Variants in CDH8 observed in about 807,000 individuals in gnomAD.
CDH8 encodes cadherin 8.
In CDH8, 17 loss-of-function variants were observed where a neutral mutation model predicts 68.1. The observed-to-expected ratio is 0.25, with a 90% CI of 0.17 to 0.37. CDH8 has a LOEUF of 0.37. CDH8 is among the 10% of genes least tolerant of loss of function. The probability of loss-of-function intolerance (pLI) is 1.00; values close to 1 mark genes in which losing one functional copy is unlikely to be tolerated. For synonymous variants in CDH8, 372 were observed against 365.1 expected, an observed-to-expected ratio of 1.02 and a Z score of -0.21; for missense variants, 763 against 999.3, an observed-to-expected ratio of 0.76 and a Z score of 3.19.
intron 5 of CDH8, among the ~76,000 whole-genome samples, chr16:61,821,993 G>C (rs963074973): frequency 6.6e-6 from 1 of 151,780 alleles, no homozygotes; most frequent in African/African-American, 2.4e-5. Context: ...CCCACTGAGT[G>C]TCAGGCCAAA....
intron 2 of CDH8, among the ~76,000 whole-genome samples, chr16:62,004,656 C>G (rs1965944509): frequency 6.6e-6 from 1 of 152,210 alleles, no homozygotes; most frequent in Admixed American, 6.5e-5. Context: ...AATTTGTATA[C>G]CTCCTGGTGT....
chr16:61,966,621 C>T (rs1965257686), intron 2 of CDH8, among the ~76,000 whole-genome samples: 1 of 152,054 alleles, frequency 6.6e-6, no homozygotes, highest in South Asian at 2.1e-4. Context: ...AAATATTCAA[C>T]TATATAATTA....
At position 62,034,033 on chromosome 16, in the gene CDH8, CG is replaced by C. The variant is rs748693499; in HGVS notation, c.-200+2046del. ...TAGAATTTATTCCAGCCACAGAGCT[CG>C]GGGAAGTGGAAAAACATGTCTGGAC... On this transcript the variant is annotated intron_variant, in intron 1 of 11. Coordinates refer to ENST00000577390, the MANE Select transcript of CDH8 (RefSeq NM_001796.5). Among the ~76,000 whole-genome samples, 33 of 152,114 alleles carry C rather than the reference CG, an allele frequency of 2.2e-4. No homozygotes were observed. In the East Asian group the frequency reaches 6.0e-3, roughly 28 times the overall value.
chr16:61,990,668 T>C (rs1965699130), intron 2 of CDH8, among the ~76,000 whole-genome samples: 1 of 152,036 alleles, frequency 6.6e-6, no homozygotes, highest in South Asian at 2.1e-4. Context: ...TTTTAAAAAT[T>C]AAATAATTTA....
chr16:61,660,857 T>C (rs1435177670), intron 10 of CDH8, among the ~76,000 whole-genome samples: 1 of 151,940 alleles, frequency 6.6e-6, no homozygotes, highest in Non-Finnish European at 1.5e-5. Context: ...AATAAAGATA[T>C]TCTCGGATGG....
intron 9 of CDH8, 129 bp downstream of exon 9, chr16:61,726,965 T>C: frequency 2.1e-6 from 2 of 955,864 alleles, no homozygotes; most frequent in Non-Finnish European, 3.2e-6. Flanking sequence ...CTGTTCCCAT[T>C]TGGATGTGTT....
At chr16:61,836,766 T>C (rs551850978) in intron 4 of CDH8, among the ~76,000 whole-genome samples, 1 of 152,106 alleles carries the variant, frequency 6.6e-6, no homozygotes, top group Non-Finnish European at 1.5e-5. Context: ...TTTCCAGGGC[T>C]TTCTACCACT....
At chr16:61,867,278 A>T (rs959791562) in intron 3 of CDH8, among the ~76,000 whole-genome samples, 1 of 152,160 alleles carries the variant, frequency 6.6e-6, no homozygotes, top group Non-Finnish European at 1.5e-5. Flanking sequence ...CTCCTATTTG[A>T]GCCCTTCATT....
At chr16:61,864,794 C>T (rs891506625) in intron 3 of CDH8, among the ~76,000 whole-genome samples, 1 of 152,102 alleles carries the variant, frequency 6.6e-6, no homozygotes, top group Non-Finnish European at 1.5e-5. Context: ...ACAGGGATTC[C>T]AATTCTTTCC....
chr16:61,825,216 G>A (rs1293634846), intron 4 of CDH8, 37 bp from the exon 5 acceptor site: 4 of 1,546,768 alleles, frequency 2.6e-6, no homozygotes, highest in Middle Eastern at 1.7e-4. Flanking sequence ...TTCAGTCACA[G>A]AGCTAATTCA....
intron 2 of CDH8, among the ~76,000 whole-genome samples, chr16:61,966,965 G>A (rs916254038): frequency 2.6e-5 from 4 of 152,264 alleles, no homozygotes; most frequent in Middle Eastern, 3.4e-3. Context: ...AACACTTTGG[G>A]AGGCCAACAC....
chr16:62,027,668 A>C (rs1038330228), intron 1 of CDH8, among the ~76,000 whole-genome samples: 6 of 152,154 alleles, frequency 3.9e-5, no homozygotes, highest in Non-Finnish European at 8.8e-5. Flanking sequence ...TATTTCACGA[A>C]AGCAGGGGGT....
chr16:62,036,345 A>C lies in CDH8; in HGVS notation c.-465T>G, dbSNP rs1902459977. On this transcript the variant is annotated 5_prime_UTR_variant, in exon 1 of 12. Coordinates refer to ENST00000577390, the MANE Select transcript of CDH8 (RefSeq NM_001796.5). ...ATGCACAAGCCGGCGGCGGCGGCGGAGCTTGGAGGAGGCAGGGAGATTCCA... is the reference window on the plus strand; with the variant it reads ...ATGCACAAGCCGGCGGCGGCGGCGGCGCTTGGAGGAGGCAGGGAGATTCCA... 6.5e-6 allele frequency: 1 copy of C among 152,858 alleles called. No individual in the cohort carries two copies. Among genetic ancestry groups the C allele is most frequent in the African/African-American group, 2.4e-5 (1 of 41,468 alleles). 9.5% of individuals were successfully genotyped at this position (152,858 alleles called of 1,614,324 possible). A position where few individuals can be genotyped will look rare whatever the true frequency, so the allele number is the denominator to read the frequency against.
Position 61,711,291 on chromosome 16 carries a change from GCAAGTTCCTTAGAAAATGC to G in CDH8, c.1654+2531_1654+2549del, listed in dbSNP as rs71700617. On this transcript the variant is annotated intron_variant, in intron 10 of 11. Coordinates refer to ENST00000577390, the MANE Select transcript of CDH8 (RefSeq NM_001796.5). ...TAATTTTGAATTGAAATATATGGTG[GCAAGTTCCTTAGAAAATGC>G]CAAATACTGAAATCATCTCCCTTAA... Among the ~76,000 whole-genome samples, 910 of 151,852 alleles carry G rather than the reference GCAAGTTCCTTAGAAAATGC, an allele frequency of 6.0e-3. 9 individuals are homozygous for G. The highest frequency in any genetic ancestry group is 0.021 in the African/African-American group (863 of 41,494).
chr16:61,821,257 C>T (rs766703827), intron 5 of CDH8, 144 bp from the exon 6 acceptor site: 61 of 564,260 alleles, frequency 1.1e-4, no homozygotes, highest in East Asian at 1.7e-4. Context: ...CAGAAATATC[C>T]GTTTCCCTTC....
At chr16:61,964,132 A>G (rs960307752) in intron 2 of CDH8, among the ~76,000 whole-genome samples, 4 of 152,244 alleles carry the variant, frequency 2.6e-5, no homozygotes, top group Non-Finnish European at 5.9e-5. Flanking sequence ...AAAGGTTCCT[A>G]TGGAATGTTT....
chr16:61,718,008 G>A (rs1300457611), intron 9 of CDH8, among the ~76,000 whole-genome samples: 1 of 151,088 alleles, frequency 6.6e-6, no homozygotes, highest in African/African-American at 2.4e-5. Flanking sequence ...TGTACATGTG[G>A]GTGTATACGT....
chr16:61,957,048 G>A (rs1455266586), intron 2 of CDH8, among the ~76,000 whole-genome samples: 1 of 152,058 alleles, frequency 6.6e-6, no homozygotes, highest in Non-Finnish European at 1.5e-5. Flanking sequence ...ATATTGCTTG[G>A]CAAATCATTT....
intron 4 of CDH8, among the ~76,000 whole-genome samples, chr16:61,828,147 C>T (rs527737154): frequency 9.6e-4 from 146 of 151,604 alleles, no homozygotes; most frequent in Admixed American, 2.4e-3. Context: ...ACCAAGATAG[C>T]GACAAGAGTG....
Sources: gnomAD v4.1 joint callset for allele counts (sites outside exome capture counted in the v4.1 genomes callset) on GRCh38, gnomAD v4.1.1 for gene constraint, MANE v1.5 for transcripts, NCBI Gene and HGNC (gene_info 2026-07-23, HGNC 2026-07-21) for gene names.